The following PKP4 variants were observed in gnomAD, a reference collection of about 807,000 sequenced individuals.
PKP4 encodes the protein plakophilin 4.
PKP4 carries 90 observed loss-of-function variants against 145.1 expected under a neutral mutation model. The observed-to-expected ratio is 0.62, with a 90% CI of 0.52 to 0.74. PKP4 has a LOEUF of 0.74. Ranked by LOEUF, PKP4 falls within the 30% of genes least tolerant of loss-of-function variation. The probability of loss-of-function intolerance (pLI) is 0.00; values close to 1 mark genes in which losing one functional copy is unlikely to be tolerated. For missense variants in PKP4, 1,340 were observed against 1,482.7 expected, an observed-to-expected ratio of 0.90 and a Z score of 1.58; for synonymous variants, 563 against 577.2, an observed-to-expected ratio of 0.98 and a Z score of 0.35.
At chr2:158,554,726 G>T (rs977084356) in intron 2 of PKP4, among the ~76,000 whole-genome samples, 1 of 152,096 alleles carries the variant, frequency 6.6e-6, no homozygotes, top group African/African-American at 2.4e-5. Context: ...CGCCCTGCCA[G>T]AAATGATTCT....
intron 1 of PKP4, among the ~76,000 whole-genome samples, chr2:158,523,289 C>A (rs939104541): frequency 7.0e-6 from 1 of 143,764 alleles, no homozygotes; most frequent in Non-Finnish European, 1.5e-5. Context: ...GATCTGAGAA[C>A]GGGCAGACTA....
At chr2:158,511,405 G>T (rs1341359828) in intron 1 of PKP4, among the ~76,000 whole-genome samples, 1 of 151,814 alleles carries the variant, frequency 6.6e-6, no homozygotes, top group East Asian at 1.9e-4. Context: ...AAGTTAAGTT[G>T]GTGCTCTTTA....
chr2:158,582,101 C>T (rs1424528494), intron 3 of PKP4, among the ~76,000 whole-genome samples: 4 of 152,274 alleles, frequency 2.6e-5, no homozygotes, highest in Non-Finnish European at 5.9e-5. Context: ...TTTAATAGAG[C>T]AGTTGTAGCC....
At chr2:158,613,910 G>A (rs960900885) in intron 4 of PKP4, among the ~76,000 whole-genome samples, 1 of 152,164 alleles carries the variant, frequency 6.6e-6, no homozygotes, top group Non-Finnish European at 1.5e-5. Context: ...CAACTTAAAA[G>A]TGTATTGCTG....
intron 8 of PKP4, 56 bp downstream of exon 8, chr2:158,631,997 T>A: frequency 6.0e-6 from 9 of 1,507,838 alleles, no homozygotes; most frequent in Non-Finnish European, 8.3e-6. Flanking sequence ...ACAGTAGAAG[T>A]GTTTTATTGA....
Position 158,668,526 on chromosome 2 carries a change from A to G in PKP4, c.2729-1194A>G, listed in dbSNP as rs1052190032. 2.1e-4 allele frequency among the ~76,000 whole-genome samples: 32 copies of G among 152,268 alleles called. 1 individual carries two copies. The highest frequency in any genetic ancestry group is 2.1e-3 in the Admixed American group (32 of 15,286). ...CCGCCAGGCTCACTCATTCATAGGC[A>G]GAGTGAGCTGCCTCGGCCTAACCCC... On this transcript the variant is annotated intron_variant, in intron 16 of 21. Coordinates refer to ENST00000389759, the MANE Select transcript of PKP4 (RefSeq NM_003628.6).
rs1350425691 is a variant in PKP4 at position 158,625,133 on chromosome 2, C to T, written c.859C>T (p.Arg287Trp). Residue 287 changes from arginine to tryptophan, a missense_variant, in exon 7 of 22, where the codon CGG (arginine) becomes TGG (tryptophan). Arg to Trp is a moderately radical substitution (Grantham distance 101). Coordinates refer to ENST00000389759, the MANE Select transcript of PKP4 (RefSeq NM_003628.6). The part of the protein sequence containing the change: ...QRPASPTAIR[R>W]IGSVTSRQTS... Reference sequence around the variant, plus strand: ...ACCCGCCTCCCCAACAGCTATACGGCGGATTGGGTCAGTCACCTCCCGGCA... The same window carrying T: ...ACCCGCCTCCCCAACAGCTATACGGTGGATTGGGTCAGTCACCTCCCGGCA... The T allele has an allele frequency of 3.1e-6, 5 of 1,614,162 alleles. No homozygotes were observed. The highest frequency in any genetic ancestry group is 1.1e-5 in the South Asian group (1 of 91,086).
intron 2 of PKP4, among the ~76,000 whole-genome samples, chr2:158,570,106 A>T (rs892488760): frequency 6.6e-6 from 1 of 152,212 alleles, no homozygotes. Context: ...ATGGTTTATC[A>T]GTTATTAAGT....
chr2:158,479,588 G>A (rs1290245117), intron 1 of PKP4, among the ~76,000 whole-genome samples: 1 of 151,792 alleles, frequency 6.6e-6, no homozygotes, highest in African/African-American at 2.4e-5. Flanking sequence ...CCTTAATATA[G>A]TCTTATTAAG....
intron 6 of PKP4, among the ~76,000 whole-genome samples, chr2:158,621,964 ATTC>A (rs1271439350): frequency 6.6e-6 from 1 of 152,182 alleles, no homozygotes; most frequent in Non-Finnish European, 1.5e-5. Context: ...CAGTAGAGTA[ATTC>A]TTCTGGAAAC....
chr2:158,467,339 A>G (rs1215529275), intron 1 of PKP4, among the ~76,000 whole-genome samples: 1 of 151,926 alleles, frequency 6.6e-6, no homozygotes, highest in East Asian at 1.9e-4. Flanking sequence ...CATCTCTCCT[A>G]CTCTCATCGC....
chr2:158,538,527 C>G (rs1184693898), intron 2 of PKP4, among the ~76,000 whole-genome samples: 1 of 145,496 alleles, frequency 6.9e-6, no homozygotes, highest in African/African-American at 2.5e-5. Flanking sequence ...TTCAGGCTCT[C>G]TAACCACTTT....
chr2:158,471,706 A>G (rs1173614459), intron 1 of PKP4, among the ~76,000 whole-genome samples: 1 of 152,230 alleles, frequency 6.6e-6, no homozygotes, highest in Non-Finnish European at 1.5e-5. Flanking sequence ...TAGTTACAAA[A>G]TCAGGACAAT....
intron 3 of PKP4, among the ~76,000 whole-genome samples, chr2:158,591,215 T>C (rs2049245970): frequency 6.6e-6 from 1 of 152,076 alleles, no homozygotes; most frequent in Non-Finnish European, 1.5e-5. Context: ...GGACCTTGTT[T>C]TGGTCCTGAT....
chr2:158,646,863 T>A (rs929392), intron 11 of PKP4, among the ~76,000 whole-genome samples: 6,018 of 152,158 alleles, frequency 0.04, 179 homozygotes, highest in Non-Finnish European at 0.065. Context: ...CCTGGTGGGG[T>A]TAAGTCTGGA....
chr2:158,538,626 G>A (rs368665010), intron 2 of PKP4, among the ~76,000 whole-genome samples: 1 of 143,326 alleles, frequency 7.0e-6, no homozygotes, highest in Non-Finnish European at 1.5e-5. Context: ...TGCAACCTCC[G>A]CCTTCTGGGT....
intron 1 of PKP4, among the ~76,000 whole-genome samples, chr2:158,509,128 A>G (rs1428941155): frequency 1.3e-5 from 2 of 152,184 alleles, no homozygotes; most frequent in Admixed American, 6.5e-5. Context: ...GAACATCACA[A>G]TATTTTAAAC....
rs1315752313 is a variant in PKP4, at chr2:158,678,657, G to A, written c.3330+3G>A. The A allele has an allele frequency of 6.4e-7, 1 of 1,550,770 alleles. No individual in the cohort carries two copies. Among genetic ancestry groups the A allele is most frequent in the Non-Finnish European group, 8.9e-7 (1 of 1,122,664 alleles). On this transcript the variant is annotated splice_donor_region_variant and intron_variant, in intron 21 of 21. Transcript: ENST00000389759. ...GAGAACAAAATAGACGGCTACAGGTGAATTTGCAATATCATTTTTACAGAA... is the reference window on the plus strand; with the variant it reads ...GAGAACAAAATAGACGGCTACAGGTAAATTTGCAATATCATTTTTACAGAA...
intron 1 of PKP4, among the ~76,000 whole-genome samples, chr2:158,484,032 C>CTTT (rs11289096): frequency 9.4e-5 from 9 of 95,942 alleles, no homozygotes; most frequent in Admixed American, 1.2e-4. Flanking sequence ...TTTTCTTTTT[C>CTTT]TTTTTTTTTT....
Sources: allele counts gnomAD v4.1 joint callset (sites outside exome capture counted in the v4.1 genomes callset), GRCh38; gene constraint gnomAD v4.1.1; transcripts MANE v1.5; gene names NCBI Gene and HGNC (gene_info 2026-07-23, HGNC 2026-07-21).